TENM3: variants seen among roughly 807,000 people sequenced by gnomAD.
TENM3 encodes the protein teneurin transmembrane protein 3.
In TENM3, 63 loss-of-function variants were observed where a neutral mutation model predicts 255.1. That is an observed-to-expected ratio of 0.25 (90% CI 0.20 to 0.30). The LOEUF (loss-of-function observed/expected upper bound fraction) is 0.30. Ranked by LOEUF, TENM3 falls within the 10% of genes least tolerant of loss-of-function variation. The probability of loss-of-function intolerance (pLI) is 1.00; values close to 1 mark genes in which losing one functional copy is unlikely to be tolerated. For synonymous variants in TENM3, 1,306 were observed against 1,322.3 expected, an observed-to-expected ratio of 0.99 and a Z score of 0.27; for missense variants, 2,929 against 3,461.1, an observed-to-expected ratio of 0.85 and a Z score of 3.86.
chr4:181,761,568 A>C, the TENM3 span, among the ~76,000 whole-genome samples: 1 of 152,198 alleles, frequency 6.6e-6, no homozygotes. Flanking sequence ...ATTCCACTAA[A>C]TTCAGATATC....
chr4:181,657,791 T>C, the TENM3 span, among the ~76,000 whole-genome samples: 2 of 102,408 alleles, frequency 2.0e-5, no homozygotes, highest in Admixed American at 2.5e-4. Context: ...TGGAATACTA[T>C]GCAACTATAT....
the TENM3 span, among the ~76,000 whole-genome samples, chr4:182,127,233 T>C: frequency 6.6e-6 from 1 of 152,194 alleles, no homozygotes. Context: ...AGACATCTAA[T>C]GGATAAATTT....
chr4:182,077,388 G>A, the TENM3 span, among the ~76,000 whole-genome samples: 1 of 152,020 alleles, frequency 6.6e-6, no homozygotes, highest in Non-Finnish European at 1.5e-5. Flanking sequence ...ACTGTTTGTG[G>A]GATGATATGT....
At chr4:182,412,864 CAAA>C (rs767690923) in intron 3 of TENM3, among the ~76,000 whole-genome samples, 1 of 81,124 alleles carries the variant, frequency 1.2e-5, no homozygotes. Flanking sequence ...GACTCTGTCT[CAAA>C]AAAAAAAAAA....
At chr4:182,655,679 G>A (rs942222882) in intron 6 of TENM3, among the ~76,000 whole-genome samples, 10 of 152,126 alleles carry the variant, frequency 6.6e-5, no homozygotes, top group African/African-American at 2.2e-4. Context: ...CCTATCAGTC[G>A]CAGAGGTTTG....
At chr4:181,507,974 G>T in the TENM3 span, among the ~76,000 whole-genome samples, 4 of 152,176 alleles carry the variant, frequency 2.6e-5, no homozygotes, top group African/African-American at 9.7e-5. Flanking sequence ...GAAAGAAATA[G>T]ATCTTTCTGA....
intron 1 of TENM3, among the ~76,000 whole-genome samples, chr4:182,153,418 A>C (rs957114854): frequency 6.6e-6 from 1 of 152,130 alleles, no homozygotes; most frequent in African/African-American, 2.4e-5. Context: ...TTTAAGATAC[A>C]TCAATTCTTG....
At chr4:182,452,524 G>C (rs886141125) in intron 3 of TENM3, among the ~76,000 whole-genome samples, 1 of 152,192 alleles carries the variant, frequency 6.6e-6, no homozygotes, top group African/African-American at 2.4e-5. Flanking sequence ...TATTAGAGGA[G>C]TGGGAGAGAG....
chr4:182,434,159 A>G (rs1336618530), intron 3 of TENM3, among the ~76,000 whole-genome samples: 4 of 152,122 alleles, frequency 2.6e-5, no homozygotes, highest in African/African-American at 9.7e-5. Flanking sequence ...AAGTAAAAAG[A>G]AAACATGGAT....
chr4:181,623,461 T>C, the TENM3 span, among the ~76,000 whole-genome samples: 1 of 152,222 alleles, frequency 6.6e-6, no homozygotes, highest in African/African-American at 2.4e-5. Context: ...AGAGTTAGGC[T>C]AACTTTTGCC....
chr4:182,224,946 C>A (rs1041975893), intron 1 of TENM3, among the ~76,000 whole-genome samples: 3 of 152,012 alleles, frequency 2.0e-5, no homozygotes, highest in Non-Finnish European at 4.4e-5. Context: ...GTTGGTCAGG[C>A]TGGTCTCGAA....
intron 3 of TENM3, among the ~76,000 whole-genome samples, chr4:182,424,747 G>C (rs1323814202): frequency 6.6e-6 from 1 of 152,064 alleles, no homozygotes; most frequent in Admixed American, 6.6e-5. Flanking sequence ...GTCCCTCTTA[G>C]TTAGCCACAG....
chr4:182,086,821 A>G, the TENM3 span, among the ~76,000 whole-genome samples: 1 of 152,204 alleles, frequency 6.6e-6, no homozygotes, highest in East Asian at 1.9e-4. Flanking sequence ...TGGGGAACGT[A>G]AAAGACATCT....
chr4:182,681,192 C>CTGTA (rs1756146085), intron 10 of TENM3, among the ~76,000 whole-genome samples: 1 of 152,154 alleles, frequency 6.6e-6, no homozygotes, highest in Non-Finnish European at 1.5e-5. Flanking sequence ...AGATACCATA[C>CTGTA]TGTAAAGTGC....
chr4:182,111,442 T>A, the TENM3 span, among the ~76,000 whole-genome samples: 1 of 152,152 alleles, frequency 6.6e-6, no homozygotes, highest in African/African-American at 2.4e-5. Flanking sequence ...ATGGCCAGAT[T>A]CTTGAAAGCC....
intron 26 of TENM3, 47 bp from the exon 27 acceptor site, chr4:182,796,590 G>A (rs1766509782): frequency 1.4e-6 from 2 of 1,474,686 alleles, no homozygotes; most frequent in Non-Finnish European, 1.8e-6. Context: ...TTTATGAAAG[G>A]ACAAAACAAA....
chr4:182,089,693 G>T, the TENM3 span, among the ~76,000 whole-genome samples: 1 of 152,116 alleles, frequency 6.6e-6, no homozygotes, highest in Non-Finnish European at 1.5e-5. Context: ...ACCAGGTCCT[G>T]GGTATAGTGC....
intron 1 of TENM3, among the ~76,000 whole-genome samples, chr4:182,313,831 C>T (rs1350887799): frequency 6.6e-6 from 1 of 152,120 alleles, no homozygotes; most frequent in Non-Finnish European, 1.5e-5. Context: ...TTTAGCCCAT[C>T]ACAGTCATGC....
the TENM3 span, among the ~76,000 whole-genome samples, chr4:181,987,454 G>T: frequency 6.6e-6 from 1 of 152,070 alleles, no homozygotes; most frequent in Non-Finnish European, 1.5e-5. Context: ...CAAAGGAATT[G>T]GGCTTCCCAG....
Sources: gnomAD v4.1 joint callset for allele counts (sites outside exome capture counted in the v4.1 genomes callset) on GRCh38, gnomAD v4.1.1 for gene constraint, MANE v1.5 for transcripts, NCBI Gene and HGNC (gene_info 2026-07-23, HGNC 2026-07-21) for gene names.